The following TMEM63C variants were observed in gnomAD, a reference collection of about 807,000 sequenced individuals.
TMEM63C encodes the protein osmosensitive cation channel TMEM63C.
TMEM63C carries 32 observed loss-of-function variants against 99.2 expected under a neutral mutation model. That is an observed-to-expected ratio of 0.32 (90% confidence interval 0.24 to 0.43). TMEM63C has a LOEUF of 0.43. Ranked by LOEUF, TMEM63C falls within the 20% of genes least tolerant of loss-of-function variation. TMEM63C has a pLI of 1.00. For synonymous variants in TMEM63C, 376 were observed against 397.9 expected (o/e 0.94, Z 0.66); for missense variants, 826 against 1,053.0 (o/e 0.78, Z 2.98).
intron 1 of TMEM63C, among the ~76,000 whole-genome samples, chr14:77,197,676 A>G (rs111976653): frequency 3.0e-4 from 46 of 152,270 alleles, no homozygotes; most frequent in African/African-American, 1.0e-3. Context: ...CAACCTCCCT[A>G]AGACACAGTG....
Position 77,236,382 on chromosome 14 carries a change from G to GGT in TMEM63C, c.543-241_543-240insTG, listed in dbSNP as rs1889060504. On this transcript the variant is annotated intron_variant, in intron 8 of 23. Transcript: ENST00000298351. ...GGTGGGGGGTATGGGCAGACTGGTGGGGGGGTATGGGGAGACTGTGATGGT... is the reference window on the plus strand; with the variant it reads ...GGTGGGGGGTATGGGCAGACTGGTGGGTGGGGGTATGGGGAGACTGTGATGGT... Among the ~76,000 whole-genome samples the GGT allele has an allele frequency of 1.2e-4, 5 of 41,930 alleles. 1 individual carries two copies. The highest frequency in any genetic ancestry group is 8.5e-4 in the Admixed American group (4 of 4,718). 27.5% of individuals were successfully genotyped at this position (41,930 alleles called of 152,430 possible). A position where few individuals can be genotyped will look rare whatever the true frequency, so the allele number is the denominator to read the frequency against.
chr14:77,249,866 GCT>G (rs1284480246), intron 21 of TMEM63C, among the ~76,000 whole-genome samples: 1 of 152,118 alleles, frequency 6.6e-6, no homozygotes, highest in Non-Finnish European at 1.5e-5. Context: ...TCAGAATCTT[GCT>G]CTGTCGTCTA....
chr14:77,183,791 T>C (rs8018183), intron 1 of TMEM63C, among the ~76,000 whole-genome samples: 21,137 of 152,024 alleles, frequency 0.14, 1,762 homozygotes, highest in African/African-American at 0.23. Flanking sequence ...GGGTGACCTG[T>C]GGGAAGGGAT....
At chr14:77,237,773 G>A (rs1189076700) in intron 9 of TMEM63C, among the ~76,000 whole-genome samples, 1 of 152,220 alleles carries the variant, frequency 6.6e-6, no homozygotes, top group Non-Finnish European at 1.5e-5. Context: ...CCACGGGCAG[G>A]CACCAGCAGT....
intron 1 of TMEM63C, among the ~76,000 whole-genome samples, chr14:77,188,106 C>T (rs753375590): frequency 3.9e-5 from 6 of 152,198 alleles, no homozygotes; most frequent in Non-Finnish European, 5.9e-5. Context: ...AGTCCTGGTC[C>T]TTATCCCTAT....
At chr14:77,237,894 C>T (rs564846959) in intron 9 of TMEM63C, among the ~76,000 whole-genome samples, 16 of 152,342 alleles carry the variant, frequency 1.1e-4, no homozygotes, top group African/African-American at 3.1e-4. Context: ...GAATCAGCTC[C>T]TTCCAGGCCG....
intron 1 of TMEM63C, among the ~76,000 whole-genome samples, chr14:77,196,849 C>T (rs1378746018): frequency 6.6e-6 from 1 of 152,178 alleles, no homozygotes; most frequent in African/African-American, 2.4e-5. Context: ...AGCCCTTTGG[C>T]TTCAGACAGC....
chr14:77,182,239 G>T (rs1887926619), intron 1 of TMEM63C, among the ~76,000 whole-genome samples: 1 of 152,082 alleles, frequency 6.6e-6, no homozygotes, highest in South Asian at 2.1e-4. Context: ...GGGAGTTACC[G>T]CTCGGGGCTA....
At chr14:77,223,739 C>A (rs138576652) in intron 5 of TMEM63C, among the ~76,000 whole-genome samples, 264 of 152,284 alleles carry the variant, frequency 1.7e-3, no homozygotes, top group African/African-American at 6.2e-3. Flanking sequence ...ATGACCTCTG[C>A]CCTTTCCTGG....
intron 1 of TMEM63C, among the ~76,000 whole-genome samples, chr14:77,190,787 T>C (rs1400413452): frequency 6.6e-6 from 1 of 152,208 alleles, no homozygotes; most frequent in Non-Finnish European, 1.5e-5. Flanking sequence ...TGATTTTGTG[T>C]ATGCCTATGT....
At chr14:77,254,810 AG>A (rs1246086822) in intron 23 of TMEM63C, among the ~76,000 whole-genome samples, 5 of 152,202 alleles carry the variant, frequency 3.3e-5, no homozygotes, top group African/African-American at 1.2e-4. Context: ...ACATCATTAT[AG>A]GGGGAAAGGA....
At chr14:77,202,841 A>G (rs1216481404) in intron 1 of TMEM63C, among the ~76,000 whole-genome samples, 5 of 86,608 alleles carry the variant, frequency 5.8e-5, no homozygotes, top group African/African-American at 1.4e-4. Flanking sequence ...ACACACACAC[A>G]CACACACACA....
intron 5 of TMEM63C, among the ~76,000 whole-genome samples, chr14:77,225,000 G>A (rs1479903009): frequency 1.3e-5 from 2 of 152,124 alleles, no homozygotes; most frequent in East Asian, 1.9e-4. Flanking sequence ...CCCCACTTGG[G>A]TAAAGTTCCC....
chr14:77,227,058 G>A (rs371048537), intron 6 of TMEM63C, among the ~76,000 whole-genome samples: 8 of 152,306 alleles, frequency 5.3e-5, no homozygotes, highest in African/African-American at 1.4e-4. Context: ...ATGAGCCACC[G>A]CACTGGGCCT....
intron 5 of TMEM63C, 140 bp downstream of exon 5, chr14:77,220,227 C>T: frequency 1.3e-6 from 1 of 751,528 alleles, no homozygotes; most frequent in Non-Finnish European, 2.2e-6. Context: ...TGACCTTGAG[C>T]AAATTCCTCA....
intron 2 of TMEM63C, among the ~76,000 whole-genome samples, chr14:77,217,360 C>T (rs1307666988): frequency 6.6e-6 from 1 of 152,188 alleles, no homozygotes; most frequent in Non-Finnish European, 1.5e-5. Flanking sequence ...GTGAGGAATT[C>T]CCTAATCACC....
At chr14:77,233,377 C>A in intron 7 of TMEM63C, 75 bp from the exon 8 acceptor site, 1 of 1,503,560 alleles carries the variant, frequency 6.7e-7, no homozygotes, top group Non-Finnish European at 9.1e-7. Context: ...ACGCATTTGT[C>A]CAGGAACCTT....
intron 21 of TMEM63C, among the ~76,000 whole-genome samples, chr14:77,250,122 GC>G (rs1889332983): frequency 6.6e-6 from 1 of 152,218 alleles, no homozygotes; most frequent in African/African-American, 2.4e-5. Context: ...AGCGTAAGCC[GC>G]CGGTGCCTAG....
At position 77,236,656 on chromosome 14, in the gene TMEM63C, CCTT is replaced by C. The variant is rs1566628065; in HGVS notation, c.581_583del (p.Phe194del). 1.9e-6 allele frequency: 3 copies of C among 1,612,796 alleles called. No individual in the cohort carries two copies. Among genetic ancestry groups the C allele is most frequent in the South Asian group, 1.1e-5 (1 of 91,054 alleles). On this transcript the variant is annotated inframe_deletion, in exon 9 of 24. Coordinates refer to ENST00000298351, the MANE Select transcript of TMEM63C (RefSeq NM_020431.4). ...CTCCTGTGGCTGCATAGCCTGCTGT[CCTT>C]CTTCTACTTCATCACCAACTTCATG...
Sources: allele counts gnomAD v4.1 joint callset (sites outside exome capture counted in the v4.1 genomes callset), GRCh38; gene constraint gnomAD v4.1.1; transcripts MANE v1.5; gene names NCBI Gene and HGNC (gene_info 2026-07-23, HGNC 2026-07-21).